Variants in PECR observed in about 807,000 individuals in gnomAD.
PECR encodes the protein peroxisomal trans-2-enoyl-CoA reductase.
Under a neutral mutation model 35.3 loss-of-function variants are expected in PECR, and 30 were observed. The ratio of observed to expected loss-of-function variants is 0.85; its 90% CI spans 0.64 to 1.15. The LOEUF (loss-of-function observed/expected upper bound fraction) is 1.15, where lower values mean the gene tolerates loss of function less well. PECR is among the 50% of genes most tolerant of loss of function. The pLI is 0.00. For missense variants in PECR, 392 were observed against 370.8 expected, an observed-to-expected ratio of 1.06 and a Z score of -0.47; for synonymous variants, 148 against 138.9, an observed-to-expected ratio of 1.07 and a Z score of -0.46.
chr2:216,068,030 C>A (rs957330021), intron 1 of PECR, among the ~76,000 whole-genome samples: 1 of 151,568 alleles, frequency 6.6e-6, no homozygotes, highest in Non-Finnish European at 1.5e-5. Flanking sequence ...AGTTTGAGAC[C>A]AGCCTGACCA....
chr2:216,041,472 A>C (rs1694885000), intron 7 of PECR, among the ~76,000 whole-genome samples: 1 of 152,228 alleles, frequency 6.6e-6, no homozygotes, highest in Non-Finnish European at 1.5e-5. Context: ...AATGAAATAC[A>C]TGTGGGAGGG....
At chr2:216,077,555 C>A (rs566219208) in intron 1 of PECR, among the ~76,000 whole-genome samples, 12 of 151,768 alleles carry the variant, frequency 7.9e-5, no homozygotes, top group South Asian at 2.1e-4. Context: ...CGCCTGTAAT[C>A]CCAGCACTTT....
Position 216,066,455 on chromosome 2 carries a change from T to C in PECR, c.188A>G (p.Gln63Arg). The change falls in exon 2 of 8, where the codon CAG (glutamine) becomes CGG (arginine). Residue 63 changes from glutamine to arginine, a missense_variant. Gln to Arg is a conservative substitution (Grantham distance 43, BLOSUM62 1). Transcript: ENST00000265322. ...ERLKSAADEL[Q>R]ANLPPTKQAR... ...CTGCTTTGTGGGAGGTAGGTTGGCC[T>C]GCAGTTCATCTGCCGCAGACTTCAA... 6.2e-7 allele frequency: 1 copy of C among 1,613,646 alleles called. No homozygotes were observed. Among genetic ancestry groups the C allele is most frequent in the Non-Finnish European group, 8.5e-7 (1 of 1,179,504 alleles).
chr2:216,045,222 G>C (rs1307085559), intron 6 of PECR, among the ~76,000 whole-genome samples: 2 of 152,212 alleles, frequency 1.3e-5, no homozygotes, highest in East Asian at 1.9e-4. Context: ...AGAGCTTGGA[G>C]AGCAGCCAAG....
intron 2 of PECR, among the ~76,000 whole-genome samples, chr2:216,066,125 A>G (rs1695461351): frequency 6.6e-6 from 1 of 152,146 alleles, no homozygotes; most frequent in Admixed American, 6.5e-5. Flanking sequence ...CTTTGTCTCA[A>G]AAAAATAAAA....
At chr2:216,036,351 C>T (rs1198519629), downstream of PECR, among the ~76,000 whole-genome samples, 3 of 152,204 alleles carry the variant, frequency 2.0e-5, no homozygotes, top group Admixed American at 1.3e-4. Flanking sequence ...TTCCATCATT[C>T]CCAATGATCT....
chr2:216,049,500 G>A (rs1695062967), intron 5 of PECR, 127 bp from the exon 6 acceptor site: 3 of 580,964 alleles, frequency 5.2e-6, no homozygotes, highest in African/African-American at 1.9e-5. Flanking sequence ...AGTTAACAGT[G>A]CTGATATTAA....
chr2:216,070,722 T>C (rs1695572841), intron 1 of PECR, among the ~76,000 whole-genome samples: 1 of 152,134 alleles, frequency 6.6e-6, no homozygotes, highest in South Asian at 2.1e-4. Flanking sequence ...GCCTTTTGTA[T>C]TTATTGGGTA....
At chr2:216,075,465 T>G (rs1695680050) in intron 1 of PECR, among the ~76,000 whole-genome samples, 1 of 152,216 alleles carries the variant, frequency 6.6e-6, no homozygotes, top group African/African-American at 2.4e-5. Context: ...AGCTCATTTT[T>G]TTCTTTTATA....
Position 216,065,434 on chromosome 2 carries a change from A to G in PECR, c.302T>C (p.Ile101Thr), listed in dbSNP as rs1695445448. 4.4e-6 allele frequency: 7 copies of G among 1,607,264 alleles called. No individual in the cohort carries two copies. In the Admixed American group the frequency reaches 1.2e-4, roughly 27 times the overall value. ...TCCTCCATTGTTCACCAAGAAATTG[A>G]TCTTACCAAAAGTATCTAAGGTAGA... ...VKSTLDTFGK[I>T]NFLVNNGGGQ... The change falls in exon 3 of 8, where the codon ATC becomes ACC. Residue 101 changes from isoleucine to threonine, a missense_variant. Physicochemically the swap from Ile to Thr is moderately conservative, Grantham distance 89. Coordinates refer to ENST00000265322, the MANE Select transcript of PECR (RefSeq NM_018441.6).
intron 1 of PECR, among the ~76,000 whole-genome samples, chr2:216,073,132 GAATTT>G (rs768148279): frequency 9.2e-5 from 14 of 152,122 alleles, no homozygotes; most frequent in South Asian, 2.1e-4. Flanking sequence ...CTTTAAAATG[GAATTT>G]AATTTATCAA....
At chr2:216,033,581 C>T (rs960994306), downstream of PECR, 2 of 152,272 alleles carry the variant, frequency 1.3e-5, no homozygotes, top group Non-Finnish European at 2.9e-5. Context: ...AAAGGGTGGC[C>T]TCAGTCAAGA....
chr2:216,036,775 T>C (rs1479419088), downstream of PECR, among the ~76,000 whole-genome samples: 7 of 152,178 alleles, frequency 4.6e-5, no homozygotes, highest in Non-Finnish European at 1.0e-4. Context: ...TGGTACCCAA[T>C]AAGTGTCATG....
At chr2:216,053,801 T>C (rs1695169478) in intron 4 of PECR, among the ~76,000 whole-genome samples, 1 of 152,164 alleles carries the variant, frequency 6.6e-6, no homozygotes, top group Non-Finnish European at 1.5e-5. Flanking sequence ...CTCTTAAAAA[T>C]GCAATCTCTA....
At chr2:216,042,914 AC>A (rs1464060749) in intron 7 of PECR, among the ~76,000 whole-genome samples, 1 of 143,654 alleles carries the variant, frequency 7.0e-6, no homozygotes, top group African/African-American at 2.6e-5. Context: ...CCGCCACCAC[AC>A]CCGACTAACT....
chr2:216,054,608 T>C (rs2105953183), intron 4 of PECR, among the ~76,000 whole-genome samples: 1 of 151,376 alleles, frequency 6.6e-6, no homozygotes, highest in South Asian at 2.1e-4. Flanking sequence ...AGTGCTGGGA[T>C]TACAGGCGTG....
Position 216,043,069 on chromosome 2 carries a change from A to AAG in PECR, c.826+834_826+835insCT, listed in dbSNP as rs1553560236. Among the ~76,000 whole-genome samples the AAG allele has an allele frequency of 5.3e-4, 22 of 41,750 alleles. 1 individual carries two copies. The highest frequency in any genetic ancestry group is 9.8e-4 in the Non-Finnish European group (22 of 22,482). 27.4% of individuals were successfully genotyped at this position (41,750 alleles called of 152,430 possible). A position where few individuals can be genotyped will look rare whatever the true frequency, so the allele number is the denominator to read the frequency against. Reference sequence around the variant, plus strand: ...TATATATACACATACGTATATATGTATGTATATATATACACATACATATAT... The same window carrying AAG: ...TATATATACACATACGTATATATGTAAGTGTATATATATACACATACATATAT... On this transcript the variant is annotated intron_variant, in intron 7 of 7. Transcript: ENST00000265322.
At chr2:216,070,300 T>C (rs968283287) in intron 1 of PECR, among the ~76,000 whole-genome samples, 1 of 152,240 alleles carries the variant, frequency 6.6e-6, no homozygotes, top group Non-Finnish European at 1.5e-5. Context: ...TTCTTTGAGC[T>C]AAGAACCACT....
chr2:216,060,376 T>C (rs529157901), intron 3 of PECR, among the ~76,000 whole-genome samples: 1 of 152,274 alleles, frequency 6.6e-6, no homozygotes, highest in African/African-American at 2.4e-5. Context: ...TAAAAATCAT[T>C]CCCGGCTAGG....
Sources: allele counts gnomAD v4.1 joint callset (sites outside exome capture counted in the v4.1 genomes callset), GRCh38; gene constraint gnomAD v4.1.1; transcripts MANE v1.5; gene names NCBI Gene and HGNC (gene_info 2026-07-23, HGNC 2026-07-21).